RNLS: variants seen among roughly 807,000 people sequenced by gnomAD.
RNLS encodes the protein renalase.
RNLS carries 39 observed loss-of-function variants against 39.8 expected under a neutral mutation model. The observed-to-expected ratio is 0.98, with a 90% CI of 0.76 to 1.28. The LOEUF is 1.28. Among genes scored for constraint, RNLS ranks in the 50% most tolerant of loss-of-function variants. The probability of loss-of-function intolerance (pLI) is 0.00; values close to 1 mark genes in which losing one functional copy is unlikely to be tolerated. For missense variants in RNLS, 410 were observed against 413.3 expected, an observed-to-expected ratio of 0.99 and a Z score of 0.07; for synonymous variants, 147 against 150.7, an observed-to-expected ratio of 0.98 and a Z score of 0.18.
the RNLS span, among the ~76,000 whole-genome samples, chr10:88,208,749 C>T: frequency 2.0e-5 from 3 of 152,074 alleles, no homozygotes; most frequent in South Asian, 6.2e-4. Flanking sequence ...AACCATATAA[C>T]TACACAAATC....
the RNLS span, among the ~76,000 whole-genome samples, chr10:88,214,394 G>A: frequency 1.3e-5 from 2 of 150,962 alleles, no homozygotes; most frequent in East Asian, 3.9e-4. Context: ...TAAGACTCAG[G>A]TTTGGTGTGA....
intron 4 of RNLS, among the ~76,000 whole-genome samples, chr10:88,468,939 G>T (rs984449110): frequency 6.6e-6 from 1 of 152,048 alleles, no homozygotes; most frequent in Non-Finnish European, 1.5e-5. Context: ...GTTAAATAAA[G>T]TATGGTCCAT....
At chr10:88,490,969 A>T (rs941268866) in intron 4 of RNLS, among the ~76,000 whole-genome samples, 5 of 152,210 alleles carry the variant, frequency 3.3e-5, no homozygotes, top group African/African-American at 1.2e-4. Context: ...TTATCTTCAT[A>T]GTATTCTTAT....
chr10:88,488,871 G>C lies in RNLS; in HGVS notation c.526+84032C>G, dbSNP rs374142043. Among the ~76,000 whole-genome samples, 6 of 152,290 alleles carry C rather than the reference G, an allele frequency of 3.9e-5. No individual in the cohort carries two copies. The East Asian group carries it at 9.6e-4, about 24-fold the overall frequency. ...TGGCAAAGCTGCCAACATTTAAAAT[G>C]AAATGTATGCATCTGAATATTTAAA... On this transcript the variant is annotated intron_variant, in intron 4 of 6. Coordinates refer to ENST00000331772, the MANE Select transcript of RNLS (RefSeq NM_001031709.3).
chr10:88,225,725 A>G, the RNLS span, among the ~76,000 whole-genome samples: 2 of 152,214 alleles, frequency 1.3e-5, no homozygotes, highest in Non-Finnish European at 2.9e-5. Flanking sequence ...ACACAAAATA[A>G]TAATAATAAA....
downstream of RNLS, among the ~76,000 whole-genome samples, chr10:88,273,071 T>C (rs576165247): frequency 1.3e-5 from 2 of 152,314 alleles, no homozygotes; most frequent in Non-Finnish European, 2.9e-5. Context: ...TCACTGTGGA[T>C]GGTGGTCACC....
intron 5 of RNLS, among the ~76,000 whole-genome samples, chr10:88,317,491 T>C (rs1283276804): frequency 6.6e-6 from 1 of 152,222 alleles, no homozygotes; most frequent in Non-Finnish European, 1.5e-5. Context: ...AGACTGATCA[T>C]TACATCAACA....
intron 4 of RNLS, among the ~76,000 whole-genome samples, chr10:88,455,964 C>T (rs1014360652): frequency 4.6e-5 from 7 of 152,174 alleles, no homozygotes; most frequent in Non-Finnish European, 8.8e-5. Flanking sequence ...CAGTGAGCAT[C>T]GAACAGTTTT....
the RNLS span, among the ~76,000 whole-genome samples, chr10:88,212,584 G>C: frequency 6.6e-6 from 1 of 152,140 alleles, no homozygotes; most frequent in Non-Finnish European, 1.5e-5. Context: ...CTGATTCTCT[G>C]CTTTTTTACT....
At chr10:88,345,796 G>C (rs1283238457) in intron 5 of RNLS, among the ~76,000 whole-genome samples, 1 of 152,064 alleles carries the variant, frequency 6.6e-6, no homozygotes, top group African/African-American at 2.4e-5. Context: ...CTATTAGGTT[G>C]AATCACATGA....
At chr10:88,484,050 A>G (rs528876450) in intron 4 of RNLS, among the ~76,000 whole-genome samples, 39 of 152,216 alleles carry the variant, frequency 2.6e-4, no homozygotes, top group Middle Eastern at 3.4e-3. Context: ...CTGAAAAGTC[A>G]TATCTTGGTA....
At chr10:88,228,718 T>A in the RNLS span, among the ~76,000 whole-genome samples, 47 of 152,356 alleles carry the variant, frequency 3.1e-4, 1 homozygote, top group East Asian at 8.3e-3. Flanking sequence ...ACCTTGTCTA[T>A]CTAACCACAT....
intron 5 of RNLS, among the ~76,000 whole-genome samples, chr10:88,354,481 A>T (rs1051895597): frequency 2.0e-5 from 3 of 152,206 alleles, no homozygotes; most frequent in African/African-American, 7.2e-5. Flanking sequence ...TATGAAGCTT[A>T]GTTTGGCTGG....
the RNLS span, among the ~76,000 whole-genome samples, chr10:88,204,507 G>C: frequency 6.6e-6 from 1 of 152,128 alleles, no homozygotes; most frequent in African/African-American, 2.4e-5. Context: ...CTAAACATTT[G>C]CAAAGTGCCA....
At chr10:88,528,807 C>T (rs1354068552) in intron 4 of RNLS, among the ~76,000 whole-genome samples, 4 of 150,190 alleles carry the variant, frequency 2.7e-5, no homozygotes, top group Non-Finnish European at 4.4e-5. Context: ...GAGCCAAGAC[C>T]GCACCACTGC....
the RNLS span, among the ~76,000 whole-genome samples, chr10:88,187,834 T>C: frequency 6.6e-6 from 1 of 152,254 alleles, no homozygotes; most frequent in Non-Finnish European, 1.5e-5. Flanking sequence ...TTTCTTACTT[T>C]CTGACTCTTT....
intron 4 of RNLS, among the ~76,000 whole-genome samples, chr10:88,428,147 A>T (rs1854916591): frequency 2.6e-5 from 4 of 152,002 alleles, no homozygotes; most frequent in Admixed American, 2.6e-4. Flanking sequence ...AAAGAATTTT[A>T]TTTCTGATCA....
In RNLS at chr10:88,583,210, C is replaced by T; in HGVS notation, c.-20G>A. 1.2e-6 allele frequency: 2 copies of T among 1,613,200 alleles called. No homozygotes were observed. Among genetic ancestry groups the T allele is most frequent in the Non-Finnish European group, 1.7e-6 (2 of 1,179,738 alleles). ...CGCCATGGCGAGAGGGAGCAGCGAT[C>T]CGCGCTGAGTCTCTGCGGCGGGGCC... is the stretch of plus-strand genomic sequence containing the variant. On this transcript the variant is annotated 5_prime_UTR_variant, in exon 1 of 7. Coordinates refer to ENST00000331772, the MANE Select transcript of RNLS (RefSeq NM_001031709.3).
At chr10:88,435,256 T>C (rs1327396584) in intron 4 of RNLS, among the ~76,000 whole-genome samples, 1 of 151,888 alleles carries the variant, frequency 6.6e-6, no homozygotes, top group Non-Finnish European at 1.5e-5. Context: ...CTTTAGGAAA[T>C]GCAAGGCACC....
Sources: allele counts gnomAD v4.1 joint callset (sites outside exome capture counted in the v4.1 genomes callset), GRCh38; gene constraint gnomAD v4.1.1; transcripts MANE v1.5; gene names NCBI Gene and HGNC (gene_info 2026-07-23, HGNC 2026-07-21).